FAM184A: variants seen among roughly 807,000 people sequenced by gnomAD.
FAM184A encodes the protein family with sequence similarity 184 member A.
In FAM184A, 99 loss-of-function variants were observed where a neutral mutation model predicts 143.8. The ratio of observed to expected loss-of-function variants is 0.69; its 90% CI spans 0.58 to 0.81. The LOEUF (loss-of-function observed/expected upper bound fraction) is 0.81. FAM184A is among the 40% of genes least tolerant of loss of function. FAM184A has a pLI of 0.00. For missense variants in FAM184A, 1,217 were observed against 1,310.5 expected (o/e 0.93, Z 1.10); for synonymous variants, 427 against 446.4 (o/e 0.96, Z 0.55).
intron 9 of FAM184A, among the ~76,000 whole-genome samples, chr6:118,987,076 G>A (rs1190921217): frequency 6.6e-6 from 1 of 152,166 alleles, no homozygotes; most frequent in Non-Finnish European, 1.5e-5. Flanking sequence ...GGGGTATGAG[G>A]AAATAGTTTC....
At chr6:118,979,966 C>T (rs1239259151) in intron 10 of FAM184A, among the ~76,000 whole-genome samples, 172 bp downstream of exon 10, 4 of 151,984 alleles carry the variant, frequency 2.6e-5, no homozygotes, top group Non-Finnish European at 5.9e-5. Flanking sequence ...GGAAAAATCA[C>T]GAGTCTAGGA....
Position 118,979,375 on chromosome 6 carries a change from C to G in FAM184A, c.2445G>C (p.Lys815Asn). ...ATCTTTTCAAAATACCAAGCATAGC[C>G]TTTCCTTCATCTTCTAATTCAAACC... ...TLRFELEDEGKAMLASLRSEL... is the reference protein window; with the variant it reads ...TLRFELEDEGNAMLASLRSEL... Residue 815 changes from lysine (K) to asparagine (N), a missense_variant, in exon 11 of 18, where the codon AAG becomes AAC. Lys to Asn is a moderately conservative substitution (Grantham distance 94). Coordinates refer to ENST00000338891, the MANE Select transcript of FAM184A (RefSeq NM_024581.6). 1 of 1,609,306 alleles carries G rather than the reference C, an allele frequency of 6.2e-7. No homozygotes were observed.
intron 1 of FAM184A, among the ~76,000 whole-genome samples, chr6:119,045,114 A>G (rs1786477672): frequency 6.6e-6 from 1 of 152,148 alleles, no homozygotes; most frequent in Non-Finnish European, 1.5e-5. Flanking sequence ...TGATATTCTT[A>G]GGCAGAAGGG....
At chr6:119,078,982 C>T (rs1787984325), upstream of FAM184A, 1 of 152,390 alleles carries the variant, frequency 6.6e-6, no homozygotes, top group Non-Finnish European at 1.5e-5. The surrounding 1 kb of genome is among the most constrained non-coding windows in gnomAD (Gnocchi z 5.5). Flanking sequence ...AAAGTATCCC[C>T]AAGAAGACGG....
intron 1 of FAM184A, among the ~76,000 whole-genome samples, chr6:119,144,123 C>T (rs372931289): frequency 4.7e-5 from 7 of 150,390 alleles, no homozygotes; most frequent in African/African-American, 7.4e-5. Flanking sequence ...GTCAGAAGAT[C>T]GAGACCATCC....
chr6:119,054,658 T>C lies in FAM184A; in HGVS notation c.159+23483A>G, dbSNP rs189883917. Reference sequence around the variant, plus strand: ...CCTAAAGTGTGACATAAGAAGGGACTTTAGGTAATCAATATTTTTATTTGA... The same window carrying C: ...CCTAAAGTGTGACATAAGAAGGGACCTTAGGTAATCAATATTTTTATTTGA... On this transcript the variant is annotated intron_variant, in intron 1 of 17. Transcript: ENST00000338891. 1.0e-3 allele frequency among the ~76,000 whole-genome samples: 153 copies of C among 152,292 alleles called. 1 individual carries two copies. The highest frequency in any genetic ancestry group is 1.8e-3 in the Non-Finnish European group (124 of 68,020).
chr6:119,015,109 T>C (rs1429537860), intron 5 of FAM184A, among the ~76,000 whole-genome samples: 2 of 151,320 alleles, frequency 1.3e-5, no homozygotes, highest in African/African-American at 2.4e-5. Flanking sequence ...CAGCAGCAAA[T>C]CATTGCTCTA....
chr6:119,088,923 T>A (rs888749887), intron 1 of FAM184A, among the ~76,000 whole-genome samples: 1 of 152,200 alleles, frequency 6.6e-6, no homozygotes, highest in Admixed American at 6.5e-5. Flanking sequence ...AGAATCTTGG[T>A]TGGTATTCTG....
At chr6:119,053,890 G>T (rs1449954362) in intron 1 of FAM184A, among the ~76,000 whole-genome samples, 2 of 152,152 alleles carry the variant, frequency 1.3e-5, no homozygotes, top group Non-Finnish European at 2.9e-5. Context: ...ATACTTTTCT[G>T]TTGTTTCCTA....
At chr6:119,133,012 G>A (rs1177693665) in intron 1 of FAM184A, among the ~76,000 whole-genome samples, 1 of 152,192 alleles carries the variant, frequency 6.6e-6, no homozygotes. Context: ...CTACTGGTTT[G>A]AGGCTTCTCA....
chr6:119,063,183 T>G lies in FAM184A; in HGVS notation c.159+14958A>C, dbSNP rs944667984. Among the ~76,000 whole-genome samples, 6 of 152,314 alleles carry G rather than the reference T, an allele frequency of 3.9e-5. No homozygotes were observed. The East Asian group carries it at 7.7e-4, about 20-fold the overall frequency. On this transcript the variant is annotated intron_variant, in intron 1 of 17. Transcript: ENST00000338891. The stretch of plus-strand genomic sequence containing the variant: ...TCAGATGATAAAATATGCAAAAATT[T>G]TGTATAAATGAATAATCAGTTAGAA...
chr6:118,967,269 T>C (rs1306020034), intron 14 of FAM184A, among the ~76,000 whole-genome samples: 1 of 152,140 alleles, frequency 6.6e-6, no homozygotes, highest in Non-Finnish European at 1.5e-5. Flanking sequence ...AAATTATATG[T>C]TGAATGATAC....
At chr6:119,061,525 A>ATTTTTTTTTTTT (rs1476201793) in intron 1 of FAM184A, among the ~76,000 whole-genome samples, 1 of 51,578 alleles carries the variant, frequency 1.9e-5, no homozygotes, top group Non-Finnish European at 3.8e-5. Flanking sequence ...CTGGCTAATT[A>ATTTTTTTTTTTT]TTTTTCTTTT....
intron 1 of FAM184A, among the ~76,000 whole-genome samples, chr6:119,147,079 G>GTT (rs35549765): frequency 7.1e-5 from 10 of 139,956 alleles, no homozygotes; most frequent in Admixed American, 1.4e-4. Context: ...TTTTTTTTTT[G>GTT]TTTTTTTGTC....
intron 9 of FAM184A, among the ~76,000 whole-genome samples, chr6:118,983,283 A>T (rs1360242648): frequency 6.6e-6 from 1 of 152,204 alleles, no homozygotes; most frequent in Non-Finnish European, 1.5e-5. Flanking sequence ...TGAGCAAAGT[A>T]ATGTAAAGTG....
chr6:118,981,372 G>C (rs1359904373), intron 9 of FAM184A, among the ~76,000 whole-genome samples: 1 of 152,190 alleles, frequency 6.6e-6, no homozygotes, highest in East Asian at 1.9e-4. Flanking sequence ...GTTGTAAAAT[G>C]TGTTCCATAA....
At chr6:119,108,391 C>T (rs1489780226) in intron 1 of FAM184A, among the ~76,000 whole-genome samples, 2 of 152,040 alleles carry the variant, frequency 1.3e-5, no homozygotes, top group Non-Finnish European at 2.9e-5. Context: ...AGCCTCTACC[C>T]CATCCAGGCT....
intron 1 of FAM184A, among the ~76,000 whole-genome samples, chr6:119,046,564 T>TAA (rs35889394): frequency 9.6e-4 from 143 of 148,884 alleles, no homozygotes; most frequent in Middle Eastern, 7.0e-3. Context: ...ACCTACCAAA[T>TAA]AAAAAAAAAA....
intron 1 of FAM184A, among the ~76,000 whole-genome samples, chr6:119,140,225 T>G (rs1338800032): frequency 6.6e-6 from 1 of 152,076 alleles, no homozygotes; most frequent in East Asian, 1.9e-4. Flanking sequence ...TTGGGTGTGG[T>G]AGGGAGAGGA....
Sources: allele counts gnomAD v4.1 joint callset (sites outside exome capture counted in the v4.1 genomes callset), GRCh38; gene constraint gnomAD v4.1.1; non-coding constraint Gnocchi (gnomAD v3.1); transcripts MANE v1.5; gene names NCBI Gene and HGNC (gene_info 2026-07-23, HGNC 2026-07-21).